Variants in PCGF3 observed in about 807,000 individuals in gnomAD.
PCGF3 encodes the protein polycomb group ring finger 3.
In PCGF3, 7 loss-of-function variants were observed where a neutral mutation model predicts 33.1. The observed-to-expected ratio is 0.21, with a 90% CI of 0.12 to 0.40. The LOEUF is 0.40. PCGF3 is among the 10% of genes least tolerant of loss of function. PCGF3 has a pLI of 1.00. For missense variants in PCGF3, 211 were observed against 313.3 expected, an observed-to-expected ratio of 0.67 and a Z score of 2.46; for synonymous variants, 153 against 121.3, an observed-to-expected ratio of 1.26 and a Z score of -1.72.
rs552339396 is a variant in PCGF3 at position 737,499 on chromosome 4, A to G, written c.240A>G (p.Lys80=). 1.9e-6 allele frequency: 3 copies of G among 1,611,092 alleles called. No homozygotes were observed. In the South Asian group the frequency reaches 3.3e-5, roughly 18 times the overall value. Residue 80 remains lysine, a synonymous_variant, in exon 6 of 11, where the codon AAA becomes AAG. Coordinates refer to ENST00000362003, the Ensembl canonical transcript of PCGF3. ...GAACCATGCAAGATATTGTTTACAA[A>G]TTGGTACCAGGCCTCCAAGAAGGTG... is the stretch of plus-strand genomic sequence containing the variant.
intron 1 of PCGF3, among the ~76,000 whole-genome samples, chr4:714,594 G>T (rs555736509): frequency 1.3e-5 from 2 of 152,318 alleles, no homozygotes; most frequent in Admixed American, 1.3e-4. Context: ...GCCTGTCCTT[G>T]CCCTGGAGGT....
intron 3 of PCGF3, 179 bp downstream of exon 3, chr4:731,289 G>C: frequency 2.5e-6 from 1 of 398,726 alleles, no homozygotes; most frequent in Non-Finnish European, 4.4e-6. Context: ...CCAGCCAGCT[G>C]TGGGGGTCCC....
chr4:737,329 C>T, intron 5 of PCGF3, 137 bp from the exon 6 acceptor site: 1 of 649,764 alleles, frequency 1.5e-6, no homozygotes, highest in African/African-American at 1.8e-5. Flanking sequence ...CACATTTTTT[C>T]ATGTGTAAAC....
chr4:760,958 C>T (rs907994647), intron 8 of PCGF3, among the ~76,000 whole-genome samples: 5 of 152,212 alleles, frequency 3.3e-5, no homozygotes, highest in African/African-American at 9.6e-5. Context: ...CATGTTTGTC[C>T]GGACAGGCTT....
intron 8 of PCGF3, among the ~76,000 whole-genome samples, chr4:751,670 G>A (rs926648252): frequency 1.3e-5 from 2 of 151,364 alleles, no homozygotes; most frequent in Non-Finnish European, 2.9e-5. Flanking sequence ...CCATGTTTCT[G>A]CTCTCAGCCT....
intron 4 of PCGF3, 94 bp from the exon 5 acceptor site, chr4:734,837 G>A (rs904959612): frequency 9.9e-6 from 15 of 1,508,300 alleles, no homozygotes; most frequent in African/African-American, 8.3e-5. Context: ...GCACAGAAAC[G>A]AGCTCAGAGA....
Position 720,805 on chromosome 4 carries a change from C to T in PCGF3, c.-189-9825C>T, listed in dbSNP as rs1211312940. ...GACGTGACTGCGCTGGCATGGGAAG[C>T]AGAGGGTGAGGCTCGGCTCTGCTGT... On this transcript the variant is annotated intron_variant, in intron 1 of 10. Transcript: ENST00000362003. The surrounding 1 kb of genome is among the most constrained non-coding windows in gnomAD (Gnocchi z 5.6). 6.6e-6 allele frequency among the ~76,000 whole-genome samples: 1 copy of T among 152,152 alleles called. No individual in the cohort carries two copies. Among genetic ancestry groups the T allele is most frequent in the Non-Finnish European group, 1.5e-5 (1 of 68,024 alleles).
At chr4:754,826 G>A (rs1229264687) in intron 8 of PCGF3, among the ~76,000 whole-genome samples, 1 of 152,238 alleles carries the variant, frequency 6.6e-6, no homozygotes, top group Non-Finnish European at 1.5e-5. Context: ...GCCATGCGGA[G>A]ACCAGGCAGG....
chr4:737,821 TC>T (rs1743902718), intron 6 of PCGF3, among the ~76,000 whole-genome samples: 1 of 152,198 alleles, frequency 6.6e-6, no homozygotes, highest in Admixed American at 6.5e-5. Context: ...CCTGCCTTCT[TC>T]CTGGGCCCCA....
At chr4:730,124 G>A (rs920479272) in intron 1 of PCGF3, among the ~76,000 whole-genome samples, 18 of 151,888 alleles carry the variant, frequency 1.2e-4, no homozygotes, top group African/African-American at 4.1e-4. Context: ...TGCCCACGCC[G>A]GGGCCCTTGG....
intron 6 of PCGF3, among the ~76,000 whole-genome samples, chr4:738,692 A>G (rs1468183726): frequency 7.6e-5 from 1 of 13,150 alleles, no homozygotes; most frequent in Non-Finnish European, 1.4e-4. Context: ...TACCAAAAAT[A>G]CAAAAAAAAA....
intron 8 of PCGF3, among the ~76,000 whole-genome samples, chr4:748,665 C>G (rs1744377708): frequency 6.6e-6 from 1 of 152,166 alleles, no homozygotes; most frequent in Non-Finnish European, 1.5e-5. Flanking sequence ...GAGGAAATCA[C>G]CTTCTTCTTT....
chr4:732,342 C>CTCCTT, intron 3 of PCGF3: 2 of 152,768 alleles, frequency 1.3e-5, no homozygotes, highest in Non-Finnish European at 2.9e-5. Flanking sequence ...CCCTCCTCCC[C>CTCCTT]TCCCTTCCCT....
intron 1 of PCGF3, among the ~76,000 whole-genome samples, chr4:718,855 A>G (rs2109541367): frequency 6.6e-6 from 1 of 152,338 alleles, no homozygotes; most frequent in African/African-American, 2.4e-5. Context: ...GAGATGGAGC[A>G]GGGATGCTTA....
At chr4:733,535 C>T in intron 3 of PCGF3, 137 bp from the exon 4 acceptor site, 1 of 789,286 alleles carries the variant, frequency 1.3e-6, no homozygotes. Context: ...GCCTGGGACC[C>T]CGTGAGCCCA....
chr4:752,536 G>A (rs890576907), intron 8 of PCGF3, among the ~76,000 whole-genome samples: 10 of 152,194 alleles, frequency 6.6e-5, no homozygotes, highest in Non-Finnish European at 1.0e-4. Context: ...GCATCCTGAG[G>A]CCTCCGGGGA....
intron 9 of PCGF3, chr4:762,339 G>C (rs1745106512): frequency 1.2e-5 from 2 of 165,110 alleles, no homozygotes; most frequent in African/African-American, 4.8e-5. Context: ...GCTGGAGGGA[G>C]GCAGCCTCGA....
chr4:729,414 C>CA (rs35325787), intron 1 of PCGF3, among the ~76,000 whole-genome samples: 36,683 of 138,968 alleles, frequency 0.26, 5,123 homozygotes, highest in Middle Eastern at 0.35. Context: ...GATCCTGTCT[C>CA]AAAAAAAAAA....
In PCGF3 at chr4:752,172, A is replaced by T. The variant is rs560302705; in HGVS notation, c.462+7484A>T. Among the ~76,000 whole-genome samples the T allele has an allele frequency of 8.5e-5, 13 of 152,312 alleles. No individual in the cohort carries two copies. The East Asian group carries it at 2.5e-3, about 29-fold the overall frequency. On this transcript the variant is annotated intron_variant, in intron 8 of 10. Coordinates refer to ENST00000362003, the Ensembl canonical transcript of PCGF3. ...CACACTTGACCTTGGGAGTTTGGAA[A>T]CTGGCGAAGCCGCCTCTTCCACTGC...
Sources: gnomAD v4.1 joint callset for allele counts (sites outside exome capture counted in the v4.1 genomes callset) on GRCh38, gnomAD v4.1.1 for gene constraint, Gnocchi (gnomAD v3.1) non-coding constraint, MANE v1.5 for transcripts, NCBI Gene and HGNC (gene_info 2026-07-23, HGNC 2026-07-21) for gene names.